Variants in PTBP3 observed in about 807,000 individuals in gnomAD.
The protein encoded by PTBP3 is polypyrimidine tract-binding protein 3.
In PTBP3, 20 loss-of-function variants were observed where a neutral mutation model predicts 58.7. That is an observed-to-expected ratio of 0.34 (90% CI 0.24 to 0.50). The LOEUF (loss-of-function observed/expected upper bound fraction) is 0.50. Ranked by LOEUF, PTBP3 falls within the 20% of genes least tolerant of loss-of-function variation. The probability of loss-of-function intolerance (pLI) is 0.98; values close to 1 mark genes in which losing one functional copy is unlikely to be tolerated. For missense variants in PTBP3, 509 were observed against 637.2 expected (o/e 0.80, Z 2.17); for synonymous variants, 185 against 219.8 (o/e 0.84, Z 1.40).
At chr9:112,371,440 TTCAAC>T in the PTBP3 span, among the ~76,000 whole-genome samples, 10 of 152,192 alleles carry the variant, frequency 6.6e-5, no homozygotes, top group African/African-American at 2.4e-4. Flanking sequence ...ATTCATCTGT[TTCAAC>T]TCAACTATGA....
intron 1 of PTBP3, among the ~76,000 whole-genome samples, chr9:112,316,043 C>T (rs1158479979): frequency 6.6e-6 from 1 of 152,172 alleles, no homozygotes; most frequent in Non-Finnish European, 1.5e-5. Flanking sequence ...GTTGCCAATA[C>T]ATTGTTAACA....
chr9:112,228,017 A>G (rs955698633), intron 11 of PTBP3, among the ~76,000 whole-genome samples: 1 of 152,208 alleles, frequency 6.6e-6, no homozygotes, highest in Non-Finnish European at 1.5e-5. Context: ...TTGTATCATC[A>G]TTACAAAGTT....
intron 7 of PTBP3, among the ~76,000 whole-genome samples, chr9:112,239,407 T>C (rs572440181): frequency 1.2e-4 from 19 of 152,196 alleles, no homozygotes; most frequent in African/African-American, 4.6e-4. Flanking sequence ...AATAAGTTAA[T>C]TGTATGGCAT....
chr9:112,242,198 G>C lies in PTBP3; in HGVS notation c.803-7301C>G, dbSNP rs989669819. Among the ~76,000 whole-genome samples, 5 of 152,036 alleles carry C rather than the reference G, an allele frequency of 3.3e-5. 1 individual carries two copies. The highest frequency in any genetic ancestry group is 2.0e-4 in the Admixed American group (3 of 15,262). ...AATGGAGTACAGCAGCTATTCACAG[G>C]CTTGATTAGAGCACACTCAAGCCTC... On this transcript the variant is annotated intron_variant, in intron 7 of 13. Coordinates refer to ENST00000374257, the MANE Select transcript of PTBP3 (RefSeq NM_001163788.4).
At chr9:112,218,252 A>C (rs1433486886), downstream of PTBP3, 2 of 152,238 alleles carry the variant, frequency 1.3e-5, no homozygotes, top group Admixed American at 6.5e-5. Flanking sequence ...CTAAATGAAG[A>C]CAGAGACAGT....
rs532089329 is a variant in PTBP3 at position 112,280,360 on chromosome 9, TTTATTTA to T, written c.35-4354_35-4348del. On this transcript the variant is annotated intron_variant, in intron 2 of 13. Transcript: ENST00000374257. The stretch of plus-strand genomic sequence containing the variant: ...ATGAGCCACCGTGCCTGGGCTGCTG[TTTATTTA>T]TTATTTTTTTTTTACAGCTTTACTG... Among the ~76,000 whole-genome samples the T allele has an allele frequency of 3.5e-5, 3 of 84,646 alleles. No homozygotes were observed. In the East Asian group the frequency reaches 1.5e-3, roughly 41 times the overall value. The allele number at this position is 84,646 out of a possible 152,430, so 55.5% of individuals were successfully genotyped here.
chr9:112,353,973 T>C, the PTBP3 span, among the ~76,000 whole-genome samples: 1 of 151,862 alleles, frequency 6.6e-6, no homozygotes, highest in Non-Finnish European at 1.5e-5. Flanking sequence ...AAAAAATATA[T>C]ATAGATGCTT....
intron 6 of PTBP3, among the ~76,000 whole-genome samples, chr9:112,251,684 C>G (rs896793437): frequency 6.6e-6 from 1 of 152,098 alleles, no homozygotes; most frequent in Admixed American, 6.6e-5. Flanking sequence ...TTAGCAACCC[C>G]TTCCTTTGCA....
At chr9:112,313,095 C>T (rs1268512893) in intron 1 of PTBP3, among the ~76,000 whole-genome samples, 1 of 152,024 alleles carries the variant, frequency 6.6e-6, no homozygotes, top group Non-Finnish European at 1.5e-5. Context: ...TATGTACACA[C>T]TATGGTAAGC....
chr9:112,306,991 T>C (rs1433782146), intron 1 of PTBP3, among the ~76,000 whole-genome samples: 1 of 152,114 alleles, frequency 6.6e-6, no homozygotes, highest in Non-Finnish European at 1.5e-5. Context: ...AAATAAACAA[T>C]TACATTTGAT....
At chr9:112,345,116 A>G in the PTBP3 span, among the ~76,000 whole-genome samples, 1 of 151,996 alleles carries the variant, frequency 6.6e-6, no homozygotes, top group African/African-American at 2.4e-5. Context: ...AATAATAATA[A>G]TAATGAAAAT....
intron 7 of PTBP3, among the ~76,000 whole-genome samples, chr9:112,241,093 GTT>G (rs1224720066): frequency 1.3e-5 from 2 of 151,940 alleles, no homozygotes; most frequent in African/African-American, 4.8e-5. Context: ...TTATTTATTT[GTT>G]TGTTTTTTAT....
At chr9:112,233,067 G>C (rs1468803715) in intron 8 of PTBP3, among the ~76,000 whole-genome samples, 2 of 151,686 alleles carry the variant, frequency 1.3e-5, no homozygotes, top group Non-Finnish European at 2.9e-5. Context: ...GATAATCTAA[G>C]AAGGTCATAA....
upstream of PTBP3, among the ~76,000 whole-genome samples, chr9:112,334,227 C>T (rs1016232718): frequency 3.3e-5 from 5 of 152,006 alleles, no homozygotes; most frequent in Admixed American, 1.3e-4. Context: ...AGAGGCTGCC[C>T]GGACTGGAAT....
At chr9:112,367,202 T>C in the PTBP3 span, among the ~76,000 whole-genome samples, 1 of 152,216 alleles carries the variant, frequency 6.6e-6, no homozygotes, top group Non-Finnish European at 1.5e-5. Context: ...TATAGCTATA[T>C]TTTAATACAT....
chr9:112,247,469 T>C (rs542765106), intron 7 of PTBP3, among the ~76,000 whole-genome samples: 7 of 151,462 alleles, frequency 4.6e-5, no homozygotes, highest in Non-Finnish European at 8.8e-5. Flanking sequence ...TTTGGGAGGC[T>C]GAGGTGGGAG....
intron 6 of PTBP3, 80 bp downstream of exon 6, chr9:112,252,598 A>T: frequency 9.2e-7 from 1 of 1,084,792 alleles, no homozygotes; most frequent in Non-Finnish European, 1.4e-6. Flanking sequence ...TTTTTTAAAA[A>T]CACATGGTAA....
intron 2 of PTBP3, among the ~76,000 whole-genome samples, chr9:112,286,454 T>C (rs73539750): frequency 0.049 from 7,503 of 152,238 alleles, 409 homozygotes; most frequent in African/African-American, 0.14. Flanking sequence ...TATCCCTTTT[T>C]ACTTTTTTTT....
chr9:112,252,258 G>A (rs1836154606), intron 6 of PTBP3: 1 of 174,652 alleles, frequency 5.7e-6, no homozygotes, highest in Admixed American at 6.1e-5. Context: ...GAAGTAAATG[G>A]TCTACAGCCA....
Sources: gnomAD v4.1 joint callset for allele counts (sites outside exome capture counted in the v4.1 genomes callset) on GRCh38, gnomAD v4.1.1 for gene constraint, MANE v1.5 for transcripts, NCBI Gene and HGNC (gene_info 2026-07-23, HGNC 2026-07-21) for gene names.